Variants in N4BP2L1 observed in about 807,000 individuals in gnomAD.
N4BP2L1 encodes NEDD4-binding protein 2-like 1.
Under a neutral mutation model 21.2 loss-of-function variants are expected in N4BP2L1, and 12 were observed. The observed-to-expected ratio is 0.57, with a 90% CI of 0.36 to 0.92. The LOEUF is 0.92. Ranked by LOEUF, N4BP2L1 falls within the 40% of genes least tolerant of loss-of-function variation. The probability of loss-of-function intolerance (pLI) is 0.01; values close to 1 mark genes in which losing one functional copy is unlikely to be tolerated. For missense variants in N4BP2L1, 259 were observed against 310.6 expected (o/e 0.83, Z 1.25); for synonymous variants, 104 against 112.8 (o/e 0.92, Z 0.49).
chr13:32,412,109 C>A (rs138921401), intron 1 of N4BP2L1, among the ~76,000 whole-genome samples: 1,572 of 152,114 alleles, frequency 0.01, 25 homozygotes, highest in African/African-American at 0.036. Context: ...TATTTGGTTG[C>A]CATGTCCCTT....
intron 1 of N4BP2L1, chr13:32,420,376 T>C (rs952605121): frequency 5.9e-5 from 9 of 152,230 alleles, no homozygotes; most frequent in African/African-American, 1.2e-4. Context: ...CCTACCTCAG[T>C]ACTAATTTTT....
chr13:32,403,769 C>T, intron 4 of N4BP2L1: 1 of 536,138 alleles, frequency 1.9e-6, no homozygotes. Context: ...TGCCTATTAC[C>T]ATAAGAGGAA....
chr13:32,407,581 C>T, intron 2 of N4BP2L1, 64 bp downstream of exon 2: 1 of 1,606,494 alleles, frequency 6.2e-7, no homozygotes, highest in Non-Finnish European at 8.5e-7. Context: ...TTTATTCATT[C>T]TGCAGCAGCT....
In N4BP2L1 at chr13:32,402,348, AAT is replaced by A; in HGVS notation, c.*592_*593del. 1.6e-6 allele frequency: 1 copy of A among 606,544 alleles called. No homozygotes were observed. Among genetic ancestry groups the A allele is most frequent in the Non-Finnish European group, 2.1e-6 (1 of 484,288 alleles). 37.6% of individuals were successfully genotyped at this position (606,544 alleles called of 1,614,324 possible). A position where few individuals can be genotyped will look rare whatever the true frequency, so the allele number is the denominator to read the frequency against. ...ATTTTTAACAATGATACATCATTAA[AAT>A]AAAGAAATAACTTCCCAAAGTGTCT... On this transcript the variant is annotated 3_prime_UTR_variant, in exon 5 of 5. Coordinates refer to ENST00000380130, the MANE Select transcript of N4BP2L1 (RefSeq NM_052818.3).
chr13:32,411,417 C>A, intron 1 of N4BP2L1: 2 of 590,126 alleles, frequency 3.4e-6, no homozygotes, highest in Non-Finnish European at 4.3e-6. Flanking sequence ...GCACTAGCAG[C>A]CATAGTAGCA....
chr13:32,427,113 C>T (rs572873981), intron 1 of N4BP2L1, among the ~76,000 whole-genome samples: 2 of 152,340 alleles, frequency 1.3e-5, no homozygotes, highest in South Asian at 2.1e-4. Context: ...GGCACAAGCC[C>T]GCGTAATTCC....
At chr13:32,417,132 A>C (rs2074193480) in intron 1 of N4BP2L1, among the ~76,000 whole-genome samples, 2 of 152,152 alleles carry the variant, frequency 1.3e-5, no homozygotes, top group Non-Finnish European at 2.9e-5. Flanking sequence ...TTTTTTATAG[A>C]GTCCCAAGCT....
intron 1 of N4BP2L1, among the ~76,000 whole-genome samples, chr13:32,414,513 T>C (rs990941144): frequency 2.6e-5 from 4 of 152,300 alleles, no homozygotes; most frequent in South Asian, 2.1e-4. Flanking sequence ...TGTACAGCAA[T>C]TGCTTTTTAA....
chr13:32,407,295 A>T lies in N4BP2L1; in HGVS notation c.351T>A (p.Asp117Glu). ...TTTCCCAGGCGTGGAGGTTGGTATT[A>T]TCAATAATAATGGGGGATATGCCAT... ...MRNGISPIIIDNTNLHAWEMK... is the reference protein window; with the variant it reads ...MRNGISPIIIENTNLHAWEMK... Residue 117 changes from aspartate (D) to glutamate (E), a missense_variant, in exon 3 of 5, where the codon GAT becomes GAA. Physicochemically the swap from Asp to Glu is conservative, Grantham distance 45 (BLOSUM62 2). This residue lies in a region of N4BP2L1 where 91 missense variants were observed against 148.1 expected (regional missense o/e 0.61). Transcript: ENST00000380130. 6.2e-7 allele frequency: 1 copy of T among 1,614,180 alleles called. No individual in the cohort carries two copies. The highest frequency in any genetic ancestry group is 8.5e-7 in the Non-Finnish European group (1 of 1,180,036).
chr13:32,423,521 C>T (rs1434261318), intron 1 of N4BP2L1, among the ~76,000 whole-genome samples: 1 of 152,200 alleles, frequency 6.6e-6, no homozygotes, highest in African/African-American at 2.4e-5. Context: ...CAAAGAAAGG[C>T]TACCCTCTAT....
At chr13:32,427,320 AGCCCCGGGCCACTGCCACGGCC>A (rs1380399959) in intron 1 of N4BP2L1, among the ~76,000 whole-genome samples, 1 of 152,196 alleles carries the variant, frequency 6.6e-6, no homozygotes, top group South Asian at 2.1e-4. Context: ...GCGGGCTGCC[AGCCCCGGGCCACTGCCACGGCC>A]GCCCCGGGCC....
intron 1 of N4BP2L1, among the ~76,000 whole-genome samples, chr13:32,422,316 C>T (rs925410880): frequency 7.9e-5 from 12 of 151,546 alleles, no homozygotes; most frequent in African/African-American, 2.9e-4. Context: ...TTCACGAGAT[C>T]ACCCCCTTTC....
intron 1 of N4BP2L1, chr13:32,424,963 G>C (rs79289514): frequency 6.6e-6 from 1 of 151,898 alleles, no homozygotes; most frequent in African/African-American, 2.4e-5. Flanking sequence ...AATCAAATGA[G>C]AAAAAAGGTT....
At chr13:32,418,214 C>A (rs11841214) in intron 1 of N4BP2L1, among the ~76,000 whole-genome samples, 9,932 of 152,272 alleles carry the variant, frequency 0.065, 427 homozygotes, top group East Asian at 0.21. Context: ...CTGCTGTGTG[C>A]AGCCTTGAAA....
intron 1 of N4BP2L1, chr13:32,424,953 A>C (rs1411381234): frequency 2.0e-5 from 3 of 152,246 alleles, no homozygotes; most frequent in African/African-American, 7.2e-5. Flanking sequence ...TTAGTTCTTT[A>C]ATCAAATGAG....
At chr13:32,418,257 GC>G (rs1284858298) in intron 1 of N4BP2L1, among the ~76,000 whole-genome samples, 1 of 152,218 alleles carries the variant, frequency 6.6e-6, no homozygotes. Flanking sequence ...GCTCTGGCTG[GC>G]CATGGCTAAA....
chr13:32,405,336 C>T (rs1293611329), intron 3 of N4BP2L1, among the ~76,000 whole-genome samples: 1 of 152,170 alleles, frequency 6.6e-6, no homozygotes, highest in Admixed American at 6.5e-5. Context: ...ACGGCAAATC[C>T]CCGTCTCTAC....
chr13:32,423,460 A>C (rs2074594005), intron 1 of N4BP2L1, among the ~76,000 whole-genome samples: 1 of 152,248 alleles, frequency 6.6e-6, no homozygotes, highest in Non-Finnish European at 1.5e-5. Flanking sequence ...ATTCTGGGGA[A>C]CTGAAATAAG....
intron 1 of N4BP2L1, among the ~76,000 whole-genome samples, chr13:32,417,834 C>G (rs1001796216): frequency 6.6e-6 from 1 of 152,166 alleles, no homozygotes; most frequent in Non-Finnish European, 1.5e-5. Context: ...TCTTGCTATG[C>G]AAAGAGACTG....
Sources: allele counts gnomAD v4.1 joint callset (sites outside exome capture counted in the v4.1 genomes callset), GRCh38; gene constraint gnomAD v4.1.1; regional missense constraint gnomAD v4.1.1; transcripts MANE v1.5; gene names NCBI Gene and HGNC (gene_info 2026-07-23, HGNC 2026-07-21).